CEP170: variants seen among roughly 807,000 people sequenced by gnomAD.
CEP170 encodes the protein centrosomal protein 170.
In CEP170, 21 loss-of-function variants were observed where a neutral mutation model predicts 151.9. The ratio of observed to expected loss-of-function variants is 0.14; its 90% confidence interval spans 0.10 to 0.20. CEP170 has a LOEUF of 0.20. Among genes scored for constraint, CEP170 ranks in the 10% least tolerant of loss-of-function variants. The probability of loss-of-function intolerance (pLI) is 1.00; values close to 1 mark genes in which losing one functional copy is unlikely to be tolerated. For synonymous variants in CEP170, 356 were observed against 648.8 expected (o/e 0.55, Z 6.86); for missense variants, 964 against 1,892.9 (o/e 0.51, Z 9.11).
In CEP170 at chr1:243,132,375, G is replaced by A. The variant is rs548275426; in HGVS notation, c.4320-2922C>T. 9.9e-5 allele frequency among the ~76,000 whole-genome samples: 15 copies of A among 152,158 alleles called. 1 individual carries two copies. The highest frequency in any genetic ancestry group is 7.7e-4 in the East Asian group (4 of 5,174). On this transcript the variant is annotated intron_variant, in intron 17 of 19. Coordinates refer to ENST00000366542, the MANE Select transcript of CEP170 (RefSeq NM_014812.3). The stretch of plus-strand genomic sequence containing the variant: ...CTAACTGAGCACTAATCTATTATAC[G>A]CTATCTTGTACGACAGTTGATTGCA...
intron 1 of CEP170, among the ~76,000 whole-genome samples, chr1:243,243,768 C>T (rs1034519384): frequency 3.9e-5 from 6 of 151,976 alleles, no homozygotes; most frequent in African/African-American, 9.7e-5. Context: ...CCTTGTGATC[C>T]GCCTACCTCA....
At chr1:243,183,270 G>A (rs145106825) in intron 10 of CEP170, among the ~76,000 whole-genome samples, 22 of 152,250 alleles carry the variant, frequency 1.4e-4, no homozygotes, top group Middle Eastern at 3.4e-3. Flanking sequence ...AAATGATGAC[G>A]TGAAAAGAAG....
At chr1:243,226,044 G>GAT (rs1234215797) in intron 1 of CEP170, among the ~76,000 whole-genome samples, 8 of 42,404 alleles carry the variant, frequency 1.9e-4, no homozygotes, top group East Asian at 8.2e-4. Context: ...TCTATCTCTA[G>GAT]ATATATATAT....
At chr1:243,148,857 C>T (rs564013916) in intron 14 of CEP170, among the ~76,000 whole-genome samples, 1 of 152,004 alleles carries the variant, frequency 6.6e-6, no homozygotes, top group Non-Finnish European at 1.5e-5. Flanking sequence ...TAATAGAAGA[C>T]CTTAATGAAA....
Position 243,212,520 on chromosome 1 carries a change from G to C in CEP170, c.196-556C>G, listed in dbSNP as rs2061898776. Reference sequence around the variant, plus strand: ...AAGGTTTCAGTGATCTTATTTTTCTGATATGTTGAAATTCTGCCATTTTAT... The same window carrying C: ...AAGGTTTCAGTGATCTTATTTTTCTCATATGTTGAAATTCTGCCATTTTAT... On this transcript the variant is annotated intron_variant, in intron 3 of 19. Coordinates refer to ENST00000366542, the MANE Select transcript of CEP170 (RefSeq NM_014812.3). 2.6e-5 allele frequency among the ~76,000 whole-genome samples: 4 copies of C among 152,026 alleles called. No individual in the cohort carries two copies. In the South Asian group the frequency reaches 8.3e-4, roughly 31 times the overall value.
intron 1 of CEP170, among the ~76,000 whole-genome samples, chr1:243,243,627 GA>G (rs2065077338): frequency 6.6e-6 from 1 of 151,948 alleles, no homozygotes; most frequent in East Asian, 1.9e-4. Context: ...AGGTTCAAGT[GA>G]TTCTCCTGCC....
At chr1:243,241,821 A>G (rs890315958) in intron 1 of CEP170, among the ~76,000 whole-genome samples, 1 of 151,778 alleles carries the variant, frequency 6.6e-6, no homozygotes, top group Admixed American at 6.6e-5. Context: ...TACATTTTCT[A>G]ATCTCTCAAA....
rs1194971021 is a variant in CEP170, at chr1:243,179,397, T to A, written c.1566+6382A>T. On this transcript the variant is annotated intron_variant, in intron 10 of 19. Transcript: ENST00000366542. ...GTAGGTATCGCTAGGAACTCAAAGG[T>A]AAGTCTAGTCTATTTATCACAGCAT... 3.3e-5 allele frequency among the ~76,000 whole-genome samples: 5 copies of A among 152,128 alleles called. No homozygotes were observed. The East Asian group carries it at 9.6e-4, about 29-fold the overall frequency.
intron 1 of CEP170, among the ~76,000 whole-genome samples, chr1:243,246,930 T>C (rs992149144): frequency 2.6e-5 from 4 of 152,172 alleles, no homozygotes; most frequent in Non-Finnish European, 4.4e-5. Context: ...TATAGTCCTA[T>C]TGCCTCAAAA....
intron 1 of CEP170, among the ~76,000 whole-genome samples, chr1:243,245,000 T>C (rs1477001198): frequency 6.6e-6 from 1 of 152,128 alleles, no homozygotes; most frequent in African/African-American, 2.4e-5. Flanking sequence ...ATAACAAATT[T>C]AAAAGGCAAT....
intron 1 of CEP170, among the ~76,000 whole-genome samples, chr1:243,229,892 A>G (rs1027996580): frequency 2.0e-5 from 3 of 152,238 alleles, no homozygotes; most frequent in Non-Finnish European, 4.4e-5. Context: ...GAGGAAACAG[A>G]AGAAACTTCA....
intron 14 of CEP170, among the ~76,000 whole-genome samples, chr1:243,148,538 C>T (rs1358663391): frequency 6.6e-6 from 1 of 152,164 alleles, no homozygotes; most frequent in Non-Finnish European, 1.5e-5. Flanking sequence ...CGCGCCACTA[C>T]ACTTCAGCCT....
At chr1:243,217,208 T>C (rs2062378041) in intron 3 of CEP170, among the ~76,000 whole-genome samples, 2 of 152,216 alleles carry the variant, frequency 1.3e-5, no homozygotes, top group African/African-American at 4.8e-5. Context: ...CGTTATGGGA[T>C]GCATGACTCT....
At chr1:243,239,535 T>C (rs1442586655) in intron 1 of CEP170, among the ~76,000 whole-genome samples, 1 of 152,204 alleles carries the variant, frequency 6.6e-6, no homozygotes, top group Non-Finnish European at 1.5e-5. Flanking sequence ...CAAGATAGAA[T>C]TCAAACTCTT....
chr1:243,178,334 AAG>A (rs2059391691), intron 10 of CEP170, among the ~76,000 whole-genome samples: 1 of 151,126 alleles, frequency 6.6e-6, no homozygotes, highest in Admixed American at 6.6e-5. Flanking sequence ...AAAAAAAAAA[AAG>A]GAGTGAAGTA....
intron 4 of CEP170, among the ~76,000 whole-genome samples, chr1:243,204,273 C>T (rs1342574426): frequency 3.3e-5 from 5 of 152,050 alleles, no homozygotes; most frequent in Non-Finnish European, 5.9e-5. Context: ...ATTCAGCAGC[C>T]GTTATCTTGA....
At position 243,191,084 on chromosome 1, in the gene CEP170, C is replaced by T; in HGVS notation, c.1042G>A (p.Glu348Lys). Residue 348 changes from glutamate (E) to lysine (K), a missense_variant, in exon 8 of 20, where the codon GAA becomes AAA. Glu to Lys is a moderately conservative substitution (Grantham distance 56). Coordinates refer to ENST00000366542, the MANE Select transcript of CEP170 (RefSeq NM_014812.3). Reference sequence around the variant, plus strand: ...CTTTTAGAATCCTCTTCTGTTCTTTCCCATAGCATTTGAGGAGGGTTGTTT... The same window carrying T: ...CTTTTAGAATCCTCTTCTGTTCTTTTCCATAGCATTTGAGGAGGGTTGTTT... ...AQNNPPQMLW[E>K]RTEEDSKSIK... The T allele has an allele frequency of 6.2e-7, 1 of 1,612,772 alleles. No homozygotes were observed. Among genetic ancestry groups the T allele is most frequent in the Middle Eastern group, 1.7e-4 (1 of 6,054 alleles).
rs748344029 is a variant in CEP170 at position 243,185,992 on chromosome 1, C to T, written c.1353G>A (p.Val451=). ...LLKQKSEEPS[V]SIPFLQTALL... ...ATGCAGTTTGTAGGAAGGGTATTGA[C>T]ACCGATGGCTCCTCTGATTTCTGTT... Residue 451 remains valine, a synonymous_variant, in exon 10 of 20, where the codon GTG becomes GTA. Transcript: ENST00000366542. This position sits in a 1 kb window ranked among gnomAD's most constrained non-coding sequence, Gnocchi z 4.9. The T allele has an allele frequency of 6.2e-7, 1 of 1,613,758 alleles. No homozygotes were observed. The highest frequency in any genetic ancestry group is 1.1e-5 in the South Asian group (1 of 91,066).
At chr1:243,131,941 G>T (rs1328578145) in intron 17 of CEP170, among the ~76,000 whole-genome samples, 2 of 152,220 alleles carry the variant, frequency 1.3e-5, no homozygotes, top group African/African-American at 4.8e-5. Context: ...CCTAGTACTA[G>T]CCCTTAAAAC....
Sources: gnomAD v4.1 joint callset for allele counts (sites outside exome capture counted in the v4.1 genomes callset) on GRCh38, gnomAD v4.1.1 for gene constraint, Gnocchi (gnomAD v3.1) non-coding constraint, MANE v1.5 for transcripts, NCBI Gene and HGNC (gene_info 2026-07-23, HGNC 2026-07-21) for gene names.